Variants in RHOBTB1 observed in about 807,000 individuals in gnomAD.
RHOBTB1 encodes the protein Rho related BTB domain containing 1, also known as rho-related BTB domain-containing protein 1.
Under a neutral mutation model 71.6 loss-of-function variants are expected in RHOBTB1, and 40 were observed. The ratio of observed to expected loss-of-function variants is 0.56; its 90% CI spans 0.43 to 0.73. The LOEUF (loss-of-function observed/expected upper bound fraction) is 0.73. Among genes scored for constraint, RHOBTB1 ranks in the 30% least tolerant of loss-of-function variants. RHOBTB1 has a pLI of 0.00. For missense variants in RHOBTB1, 797 were observed against 894.0 expected (o/e 0.89, Z 1.38); for synonymous variants, 319 against 334.9 (o/e 0.95, Z 0.52).
At chr10:60,929,353 T>C (rs1589338538) in intron 2 of RHOBTB1, among the ~76,000 whole-genome samples, 1 of 152,054 alleles carries the variant, frequency 6.6e-6, no homozygotes, top group South Asian at 2.1e-4. Context: ...AAAAAGGACA[T>C]AATAATACAT....
At chr10:60,905,322 C>T (rs1240362022) in intron 4 of RHOBTB1, among the ~76,000 whole-genome samples, 1 of 151,570 alleles carries the variant, frequency 6.6e-6, no homozygotes, top group Non-Finnish European at 1.5e-5. Context: ...TGGTGGTGGG[C>T]ACCTGTAATC....
At chr10:60,907,055 A>G (rs1247469033) in intron 4 of RHOBTB1, among the ~76,000 whole-genome samples, 1 of 152,224 alleles carries the variant, frequency 6.6e-6, no homozygotes, top group Admixed American at 6.5e-5. Context: ...TCCCCTGCAC[A>G]TGCTCTCTCT....
chr10:60,890,687 C>G (rs542514562), intron 5 of RHOBTB1, among the ~76,000 whole-genome samples: 1 of 152,210 alleles, frequency 6.6e-6, no homozygotes, highest in South Asian at 2.1e-4. Context: ...ATAGGACAGA[C>G]ACTGGTCTTA....
chr10:60,954,597 G>T (rs1390021349), intron 2 of RHOBTB1, among the ~76,000 whole-genome samples: 1 of 152,050 alleles, frequency 6.6e-6, no homozygotes, highest in Non-Finnish European at 1.5e-5. Flanking sequence ...AGATTATTCA[G>T]TTTGTTTAAA....
In RHOBTB1 at chr10:60,971,508, C is replaced by T. The variant is rs182233307; in HGVS notation, c.-62+14337G>A. Among the ~76,000 whole-genome samples, 12 of 152,244 alleles carry T rather than the reference C, an allele frequency of 7.9e-5. No individual in the cohort carries two copies. The East Asian group carries it at 2.1e-3, about 27-fold the overall frequency. ...GCTAGCCATATGCAGAAAACTGAAA[C>T]TGGACCCATTCCTTACACCTTATAC... On this transcript the variant is annotated intron_variant, in intron 2 of 11. Coordinates refer to the RHOBTB1 transcript ENST00000357917.
In RHOBTB1 at chr10:60,871,011, TA is replaced by T. The variant is rs1304243930; in HGVS notation, c.*470del. ...ACAAAAGGATAACCCTCTAATTACGTAATAATGCTCGGTGGTCATGTGGGCA... is the reference window on the plus strand; with the variant it reads ...ACAAAAGGATAACCCTCTAATTACGTATAATGCTCGGTGGTCATGTGGGCA... On this transcript the variant is annotated 3_prime_UTR_variant, in exon 11 of 11. Coordinates refer to ENST00000337910, the MANE Select transcript of RHOBTB1 (RefSeq NM_014836.5). 1 of 152,974 alleles carries T rather than the reference TA, an allele frequency of 6.5e-6. No homozygotes were observed. Among genetic ancestry groups the T allele is most frequent in the African/African-American group, 2.4e-5 (1 of 41,454 alleles). 9.5% of individuals were successfully genotyped at this position (152,974 alleles called of 1,614,324 possible).
At chr10:60,861,858 G>C in the RHOBTB1 span, among the ~76,000 whole-genome samples, 1 of 152,250 alleles carries the variant, frequency 6.6e-6, no homozygotes, top group East Asian at 1.9e-4. Context: ...AGATCTAATG[G>C]TCAATAAAAC....
chr10:60,957,862 AG>A (rs2085648545), intron 2 of RHOBTB1, among the ~76,000 whole-genome samples: 1 of 152,076 alleles, frequency 6.6e-6, no homozygotes, highest in Admixed American at 6.6e-5. Flanking sequence ...GAGGTATGGG[AG>A]GTTAAGTCAC....
At chr10:60,917,384 C>G (rs1017158745) in intron 2 of RHOBTB1, among the ~76,000 whole-genome samples, 7 of 152,198 alleles carry the variant, frequency 4.6e-5, no homozygotes, top group Admixed American at 3.3e-4. Context: ...CTAACTACCC[C>G]CTTAGTCAGC....
At chr10:60,981,258 G>A (rs182882675) in intron 2 of RHOBTB1, among the ~76,000 whole-genome samples, 226 of 152,200 alleles carry the variant, frequency 1.5e-3, no homozygotes, top group African/African-American at 5.3e-3. Flanking sequence ...AAGGCAATGC[G>A]AGGTCCCCAG....
chr10:60,912,079 A>T (rs2083005215), intron 2 of RHOBTB1, among the ~76,000 whole-genome samples: 1 of 152,228 alleles, frequency 6.6e-6, no homozygotes, highest in Non-Finnish European at 1.5e-5. Flanking sequence ...AATAATCAAA[A>T]GTGCAGGCTG....
chr10:60,983,269 A>G (rs923882639), intron 2 of RHOBTB1, among the ~76,000 whole-genome samples: 6 of 152,182 alleles, frequency 3.9e-5, no homozygotes, highest in African/African-American at 1.4e-4. Context: ...TGAAAATGAT[A>G]TCTTCTTAGG....
At chr10:60,952,829 C>A (rs1284903792) in intron 2 of RHOBTB1, among the ~76,000 whole-genome samples, 1 of 151,980 alleles carries the variant, frequency 6.6e-6, no homozygotes, top group African/African-American at 2.4e-5. Flanking sequence ...GAGAACTGAT[C>A]TCTATGACGT....
chr10:60,977,328 T>C (rs947814315), intron 2 of RHOBTB1, among the ~76,000 whole-genome samples: 2 of 152,070 alleles, frequency 1.3e-5, no homozygotes, highest in Admixed American at 1.3e-4. Context: ...GACAGCTTCA[T>C]GGGGTGTTGC....
chr10:60,897,271 T>G (rs1213036958), intron 4 of RHOBTB1, among the ~76,000 whole-genome samples: 2 of 152,158 alleles, frequency 1.3e-5, no homozygotes, highest in East Asian at 3.9e-4. Flanking sequence ...AAGCTCAACT[T>G]TTTTTCCAAT....
Position 60,936,728 on chromosome 10 carries a change from A to T in RHOBTB1, c.-11+5076T>A, listed in dbSNP as rs2084606100. On this transcript the variant is annotated intron_variant, in intron 2 of 10. Transcript: ENST00000337910. ...CCCCATCCCAGAATTACTGAATCAT[A>T]ATCTGCACTTTAACAAGATGCCCAT... Among the ~76,000 whole-genome samples the T allele has an allele frequency of 2.6e-5, 4 of 152,368 alleles. No individual in the cohort carries two copies. The South Asian group carries it at 8.3e-4, about 32-fold the overall frequency.
At chr10:60,985,351 T>C (rs549924662) in intron 2 of RHOBTB1, among the ~76,000 whole-genome samples, 1 of 152,326 alleles carries the variant, frequency 6.6e-6, no homozygotes, top group African/African-American at 2.4e-5. Flanking sequence ...GGGATGACTC[T>C]AGTTCTAATA....
chr10:60,986,412 T>TATA (rs137967449), intron 1 of RHOBTB1, among the ~76,000 whole-genome samples: 3 of 142,974 alleles, frequency 2.1e-5, no homozygotes, highest in Non-Finnish European at 4.6e-5. Flanking sequence ...AAGATATATA[T>TATA]ATATATATAT....
rs201230205 is a variant in RHOBTB1 at position 60,892,851 on chromosome 10, G to A, written c.441C>T (p.Ala147=). ...LVGCQLDLRY[A]DLEAVNRARR... The stretch of plus-strand genomic sequence containing the variant: ...TGGCTCGATTAACAGCTTCCAGGTC[G>A]GCATAGCGGAGATCAAGCTGGCACC... The change falls in exon 5 of 11, where the codon GCC becomes GCT. Residue 147 remains alanine (A), a synonymous_variant. Coordinates refer to ENST00000337910, the MANE Select transcript of RHOBTB1 (RefSeq NM_014836.5). The A allele has an allele frequency of 8.5e-5, 137 of 1,613,426 alleles. 2 individuals carry two copies. The African/African-American group carries it at 1.2e-3, about 14-fold the overall frequency.
Sources: allele counts gnomAD v4.1 joint callset (sites outside exome capture counted in the v4.1 genomes callset), GRCh38; gene constraint gnomAD v4.1.1; transcripts MANE v1.5; gene names NCBI Gene and HGNC (gene_info 2026-07-23, HGNC 2026-07-21).